The following PRKN variants were observed in gnomAD, a reference collection of about 807,000 sequenced individuals.
PRKN encodes E3 ubiquitin-protein ligase parkin.
PRKN carries 56 observed loss-of-function variants against 59.5 expected under a neutral mutation model. The ratio of observed to expected loss-of-function variants is 0.94; its 90% confidence interval spans 0.76 to 1.18. The LOEUF is 1.18. Ranked by LOEUF, PRKN falls within the 50% of genes most tolerant of loss-of-function variation. The probability of loss-of-function intolerance (pLI) is 0.00; values close to 1 mark genes in which losing one functional copy is unlikely to be tolerated. For synonymous variants in PRKN, 250 were observed against 222.1 expected, an observed-to-expected ratio of 1.13 and a Z score of -1.12; for missense variants, 657 against 596.4, an observed-to-expected ratio of 1.10 and a Z score of -1.06.
chr6:162,425,393 C>G (rs982277215), intron 2 of PRKN, among the ~76,000 whole-genome samples: 1 of 152,096 alleles, frequency 6.6e-6, no homozygotes, highest in Non-Finnish European at 1.5e-5. Flanking sequence ...AGCAATACAC[C>G]CAGTCACCAT....
rs111542049 is a variant in PRKN, at chr6:162,152,838, T to C, written c.534+48293A>G. ...GAAATCTTTGTTTCAGCTACATATA[T>C]GTGTGTGCTGGATCATGATGTGAAA... On this transcript the variant is annotated intron_variant, in intron 4 of 11. Coordinates refer to ENST00000366898, the MANE Select transcript of PRKN (RefSeq NM_004562.3). 6.7e-3 allele frequency among the ~76,000 whole-genome samples: 1,017 copies of C among 152,302 alleles called. 10 individuals are homozygous for C. The highest frequency in any genetic ancestry group is 0.023 in the African/African-American group (953 of 41,560).
At chr6:162,020,332 C>CAAAAAAAAAAAAA (rs771141235) in intron 5 of PRKN, among the ~76,000 whole-genome samples, 12 of 45,504 alleles carry the variant, frequency 2.6e-4, no homozygotes, top group East Asian at 1.7e-3. Flanking sequence ...ACCAATGAAT[C>CAAAAAAAAAAAAA]AAAAAAAAAA....
intron 2 of PRKN, among the ~76,000 whole-genome samples, chr6:162,310,604 G>T (rs1393444776): frequency 1.3e-5 from 2 of 152,010 alleles, no homozygotes; most frequent in South Asian, 2.1e-4. Context: ...GTGGGGTGGG[G>T]GGAGCGGGGA....
chr6:162,159,093 A>G (rs1464002080), intron 4 of PRKN, among the ~76,000 whole-genome samples: 1 of 151,978 alleles, frequency 6.6e-6, no homozygotes, highest in Non-Finnish European at 1.5e-5. Flanking sequence ...GCCCCTCTGG[A>G]CCAGGCTCTG....
intron 9 of PRKN, among the ~76,000 whole-genome samples, chr6:161,489,243 A>C (rs1299871716): frequency 3.3e-5 from 5 of 151,430 alleles, no homozygotes; most frequent in African/African-American, 1.2e-4. Flanking sequence ...AAAAAAAAAA[A>C]CATGGGCAAT....
At chr6:162,247,606 T>C (rs1779253994) in intron 3 of PRKN, among the ~76,000 whole-genome samples, 1 of 152,216 alleles carries the variant, frequency 6.6e-6, no homozygotes, top group South Asian at 2.1e-4. Flanking sequence ...GTAGTCTTTT[T>C]CTTAGTTGAA....
chr6:162,062,691 A>AGCT (rs1778147762), intron 4 of PRKN, among the ~76,000 whole-genome samples: 1 of 152,108 alleles, frequency 6.6e-6, no homozygotes, highest in Non-Finnish European at 1.5e-5. Context: ...CTCGACTTCT[A>AGCT]GCTGCCAGAA....
chr6:162,653,590 A>G (rs1778529250), intron 1 of PRKN, among the ~76,000 whole-genome samples: 1 of 152,126 alleles, frequency 6.6e-6, no homozygotes, highest in South Asian at 2.1e-4. Context: ...TTTCCAGACA[A>G]CCTGGGTCTG....
Position 161,405,604 on chromosome 6 carries a change from T to C in PRKN, c.1084-18727A>G, listed in dbSNP as rs556275538. On this transcript the variant is annotated intron_variant, in intron 9 of 11. Coordinates refer to ENST00000366898, the MANE Select transcript of PRKN (RefSeq NM_004562.3). This position sits in a 1 kb window ranked among gnomAD's most constrained non-coding sequence, Gnocchi z 5.1. ...TCTAAAAAATAAAATAAAATAAAAA[T>C]TAAAAATAAATAAATAAATAAATAA... Among the ~76,000 whole-genome samples, 77 of 136,406 alleles carry C rather than the reference T, an allele frequency of 5.6e-4. 1 individual carries two copies. The highest frequency in any genetic ancestry group is 2.0e-3 in the African/African-American group (75 of 36,672). The allele number at this position is 136,406 out of a possible 152,430, so 89.5% of individuals were successfully genotyped here. A position where few individuals can be genotyped will look rare whatever the true frequency, so the allele number is the denominator to read the frequency against.
At chr6:161,966,226 G>A (rs1164170195) in intron 6 of PRKN, among the ~76,000 whole-genome samples, 1 of 151,802 alleles carries the variant, frequency 6.6e-6, no homozygotes, top group Non-Finnish European at 1.5e-5. Flanking sequence ...CGAATTGTAG[G>A]GCATGACTCC....
Position 161,360,181 on chromosome 6 carries a change from C to G in PRKN, c.1192G>C (p.Ala398Pro). Residue 398 changes from alanine to proline, a missense_variant, in exon 11 of 12, where the codon GCC (alanine) becomes CCC (proline). Ala to Pro is a conservative substitution (Grantham distance 27, BLOSUM62 -1). Coordinates refer to ENST00000366898, the MANE Select transcript of PRKN (RefSeq NM_004562.3). This position sits in a 1 kb window ranked among gnomAD's most constrained non-coding sequence, Gnocchi z 5.1. ...GCTGCTTCCCAACGAGCCTGCTCGG[C>G]GGCTCTTTCATCGACTCTGTAGGCC... ...TQAYRVDERA[A>P]EQARWEAASK... 6.2e-7 allele frequency: 1 copy of G among 1,614,064 alleles called. No homozygotes were observed. Among genetic ancestry groups the G allele is most frequent in the Non-Finnish European group, 8.5e-7 (1 of 1,179,886 alleles).
intron 7 of PRKN, among the ~76,000 whole-genome samples, chr6:161,613,877 C>T (rs532467041): frequency 2.2e-3 from 334 of 152,348 alleles, no homozygotes; most frequent in African/African-American, 7.6e-3. Context: ...CCGGGCACAG[C>T]GTAGCTCAGC....
chr6:161,663,397 T>A (rs1784617745), intron 7 of PRKN, among the ~76,000 whole-genome samples: 1 of 152,152 alleles, frequency 6.6e-6, no homozygotes, highest in Admixed American at 6.5e-5. Context: ...CTAACTCGTA[T>A]CTGAAATCTG....
intron 7 of PRKN, among the ~76,000 whole-genome samples, chr6:161,628,649 C>T (rs1226886267): frequency 6.6e-6 from 1 of 152,200 alleles, no homozygotes; most frequent in Admixed American, 6.5e-5. Flanking sequence ...CACAAGCCAG[C>T]CTTTGTAGAG....
At chr6:162,585,025 C>T (rs1047702813) in intron 1 of PRKN, among the ~76,000 whole-genome samples, 3 of 150,622 alleles carry the variant, frequency 2.0e-5, no homozygotes, top group South Asian at 4.2e-4. Context: ...CTCAGCCTCC[C>T]GAGTAGCTGA....
intron 1 of PRKN, among the ~76,000 whole-genome samples, chr6:162,579,972 A>T (rs1275100091): frequency 2.0e-5 from 3 of 152,210 alleles, no homozygotes; most frequent in Non-Finnish European, 4.4e-5. Flanking sequence ...AATTGATTAA[A>T]CATGACCTAT....
chr6:161,813,111 G>T (rs78161586), intron 6 of PRKN, among the ~76,000 whole-genome samples: 1 of 152,200 alleles, frequency 6.6e-6, no homozygotes, highest in Non-Finnish European at 1.5e-5. Context: ...TGAGAGACTC[G>T]TAGCAGGAAG....
chr6:162,708,986 T>G (rs1400545837), intron 1 of PRKN, among the ~76,000 whole-genome samples: 1 of 152,140 alleles, frequency 6.6e-6, no homozygotes, highest in Non-Finnish European at 1.5e-5. Flanking sequence ...GCAGAGGTAT[T>G]AGATTCTCAC....
intron 1 of PRKN, among the ~76,000 whole-genome samples, chr6:162,651,539 C>T (rs1353005380): frequency 2.0e-5 from 3 of 152,278 alleles, no homozygotes; most frequent in Non-Finnish European, 2.9e-5. Context: ...CAACCTCCTC[C>T]GTACCGAATT....
Sources: allele counts gnomAD v4.1 joint callset (sites outside exome capture counted in the v4.1 genomes callset), GRCh38; gene constraint gnomAD v4.1.1; non-coding constraint Gnocchi (gnomAD v3.1); transcripts MANE v1.5; gene names NCBI Gene and HGNC (gene_info 2026-07-23, HGNC 2026-07-21).